Variants in ERC2 observed in about 807,000 individuals in gnomAD.
The protein encoded by ERC2 is ELKS/RAB6-interacting/CAST family member 2, also known as ERC protein 2.
A neutral mutation model predicts 114.8 loss-of-function variants in ERC2; 42 were observed. That is an observed-to-expected ratio of 0.37 (90% CI 0.29 to 0.47). The LOEUF is 0.47. Among genes scored for constraint, ERC2 ranks in the 20% least tolerant of loss-of-function variants. The probability of loss-of-function intolerance (pLI) is 0.99; values close to 1 mark genes in which losing one functional copy is unlikely to be tolerated. For missense variants in ERC2, 939 were observed against 1,150.7 expected, an observed-to-expected ratio of 0.82 and a Z score of 2.66; for synonymous variants, 454 against 425.5, an observed-to-expected ratio of 1.07 and a Z score of -0.82.
chr3:56,048,111 T>G (rs888854737), intron 7 of ERC2, among the ~76,000 whole-genome samples: 1 of 152,234 alleles, frequency 6.6e-6, no homozygotes, highest in Non-Finnish European at 1.5e-5. Flanking sequence ...GATATTCAGA[T>G]AAGCAAGTCA....
intron 2 of ERC2, among the ~76,000 whole-genome samples, chr3:56,421,381 C>G (rs1049968637): frequency 1.3e-5 from 2 of 152,186 alleles, no homozygotes; most frequent in African/African-American, 4.8e-5. Context: ...CTCATCATGC[C>G]CCTTTCTCAG....
At chr3:55,800,944 G>T (rs55731766) in intron 14 of ERC2, among the ~76,000 whole-genome samples, 14,857 of 152,068 alleles carry the variant, frequency 0.098, 1,223 homozygotes, top group African/African-American at 0.22. Context: ...GCAGCTCTAG[G>T]GGACTCTCTC....
At chr3:56,136,118 T>C (rs1418207009) in intron 6 of ERC2, among the ~76,000 whole-genome samples, 2 of 152,204 alleles carry the variant, frequency 1.3e-5, no homozygotes, top group Non-Finnish European at 2.9e-5. Context: ...CCAAGCCACA[T>C]AGCCGCAAAC....
chr3:56,278,268 T>A (rs1286436943), intron 3 of ERC2, among the ~76,000 whole-genome samples: 1 of 152,184 alleles, frequency 6.6e-6, no homozygotes, highest in Admixed American at 6.5e-5. Context: ...TGTGTTCCAA[T>A]CCCCTGAGAG....
At chr3:56,305,827 A>G (rs898346407) in intron 2 of ERC2, among the ~76,000 whole-genome samples, 4 of 152,176 alleles carry the variant, frequency 2.6e-5, no homozygotes, top group Non-Finnish European at 5.9e-5. Flanking sequence ...AGCCATATCC[A>G]TTGACATATA....
intron 1 of ERC2, among the ~76,000 whole-genome samples, chr3:56,446,632 T>TTC (rs1394824508): frequency 1.4e-5 from 2 of 142,696 alleles, no homozygotes; most frequent in Non-Finnish European, 3.1e-5. Flanking sequence ...TTTCTTTCTT[T>TTC]TTTTTTTTTT....
At chr3:55,693,310 T>C (rs544839115) in intron 16 of ERC2, among the ~76,000 whole-genome samples, 5 of 152,344 alleles carry the variant, frequency 3.3e-5, no homozygotes, top group Non-Finnish European at 7.3e-5. Flanking sequence ...CCTAGCACCC[T>C]GGCTGATCTG....
At chr3:55,831,767 A>AC (rs1257851338) in intron 14 of ERC2, among the ~76,000 whole-genome samples, 1 of 152,148 alleles carries the variant, frequency 6.6e-6, no homozygotes, top group African/African-American at 2.4e-5. Flanking sequence ...GACAGTGGGT[A>AC]CAACGCACCG....
intron 14 of ERC2, among the ~76,000 whole-genome samples, chr3:55,864,739 A>G (rs1014829195): frequency 2.6e-5 from 4 of 152,116 alleles, no homozygotes; most frequent in African/African-American, 9.7e-5. Context: ...TCTTTGCCAA[A>G]CTGTCACCAT....
chr3:56,096,946 T>G lies in ERC2; in HGVS notation c.1474-15962A>C, dbSNP rs574541147. ...TCCTCAGACATTCAGAAACATCTTT[T>G]ATGCCCACAAATGCTGAAGGAAAGA... is the stretch of plus-strand genomic sequence containing the variant. On this transcript the variant is annotated intron_variant, in intron 6 of 17. Transcript: ENST00000288221. Among the ~76,000 whole-genome samples the G allele has an allele frequency of 2.0e-5, 3 of 152,352 alleles. No individual in the cohort carries two copies. The South Asian group carries it at 6.2e-4, about 32-fold the overall frequency.
At chr3:56,450,950 T>C (rs960152382) in intron 1 of ERC2, among the ~76,000 whole-genome samples, 4 of 152,212 alleles carry the variant, frequency 2.6e-5, no homozygotes, top group Non-Finnish European at 5.9e-5. Flanking sequence ...ATATGCTGAT[T>C]ATAACAACAT....
intron 12 of ERC2, among the ~76,000 whole-genome samples, chr3:55,969,930 G>GA (rs1344694029): frequency 6.6e-6 from 1 of 152,128 alleles, no homozygotes; most frequent in Non-Finnish European, 1.5e-5. Context: ...TATTTGGTTG[G>GA]AAGTAGCTCA....
chr3:56,011,245 C>T (rs567162252), intron 8 of ERC2, among the ~76,000 whole-genome samples: 4 of 152,290 alleles, frequency 2.6e-5, no homozygotes, highest in Admixed American at 6.5e-5. Flanking sequence ...TGAGTTTGAA[C>T]GAAGTTCAGC....
chr3:56,382,214 C>A (rs2059779209), intron 2 of ERC2, among the ~76,000 whole-genome samples: 1 of 152,028 alleles, frequency 6.6e-6, no homozygotes, highest in Non-Finnish European at 1.5e-5. Flanking sequence ...CCCATAGTAG[C>A]CCCTCCTCTT....
At chr3:55,706,169 A>C (rs561494698) in intron 15 of ERC2, among the ~76,000 whole-genome samples, 61 of 152,286 alleles carry the variant, frequency 4.0e-4, no homozygotes, top group African/African-American at 1.4e-3. Context: ...GGACAACCCT[A>C]CAGTGTGCTC....
At chr3:56,431,546 C>G (rs2061789363) in intron 2 of ERC2, among the ~76,000 whole-genome samples, 1 of 152,162 alleles carries the variant, frequency 6.6e-6, no homozygotes, top group Admixed American at 6.5e-5. Flanking sequence ...AGAAATAAAT[C>G]TCAAATATGT....
intron 2 of ERC2, among the ~76,000 whole-genome samples, chr3:56,375,564 T>C (rs2059508550): frequency 6.6e-6 from 1 of 152,330 alleles, no homozygotes; most frequent in Non-Finnish European, 1.5e-5. Flanking sequence ...TCATTGGGTT[T>C]ATAGGCTGTT....
intron 3 of ERC2, among the ~76,000 whole-genome samples, chr3:56,259,647 T>TTGATATGATA (rs58550092): frequency 0.011 from 1,592 of 144,082 alleles, 17 homozygotes; most frequent in African/African-American, 0.028. Context: ...TGGTACAGAT[T>TTGATATGATA]TGATATGATA....
chr3:55,854,243 C>G (rs553972192), intron 14 of ERC2, among the ~76,000 whole-genome samples: 5 of 152,280 alleles, frequency 3.3e-5, no homozygotes, highest in Non-Finnish European at 5.9e-5. Context: ...CCACTGCACT[C>G]CAGCCCAGGT....
Sources: gnomAD v4.1 joint callset for allele counts (sites outside exome capture counted in the v4.1 genomes callset) on GRCh38, gnomAD v4.1.1 for gene constraint, MANE v1.5 for transcripts, NCBI Gene and HGNC (gene_info 2026-07-23, HGNC 2026-07-21) for gene names.